Variants in GABRG1 observed in about 807,000 individuals in gnomAD.
GABRG1 encodes the protein gamma-aminobutyric acid type A receptor subunit gamma1.
In GABRG1, 49 loss-of-function variants were observed where a neutral mutation model predicts 49.8. The ratio of observed to expected loss-of-function variants is 0.98; its 90% CI spans 0.78 to 1.25. The LOEUF (loss-of-function observed/expected upper bound fraction) is 1.25, where lower values mean the gene tolerates loss of function less well. Among genes scored for constraint, GABRG1 ranks in the 50% most tolerant of loss-of-function variants. The pLI, the probability that GABRG1 is intolerant of heterozygous loss-of-function variation, is 0.00. For synonymous variants in GABRG1, 232 were observed against 185.1 expected, an observed-to-expected ratio of 1.25 and a Z score of -2.06; for missense variants, 552 against 552.3, an observed-to-expected ratio of 1.00 and a Z score of 0.01.
intron 3 of GABRG1, among the ~76,000 whole-genome samples, chr4:46,077,724 T>C (rs1240778318): frequency 1.3e-5 from 2 of 151,882 alleles, no homozygotes; most frequent in South Asian, 4.1e-4. Flanking sequence ...ATATCTTTTC[T>C]GATATCTTTT....
At chr4:46,081,680 G>A (rs1192977833) in intron 3 of GABRG1, among the ~76,000 whole-genome samples, 4 of 151,826 alleles carry the variant, frequency 2.6e-5, no homozygotes, top group African/African-American at 9.7e-5. Context: ...ATCTTTGGAA[G>A]TCTTATGGGC....
At chr4:46,076,790 C>T (rs1164193080) in intron 3 of GABRG1, among the ~76,000 whole-genome samples, 1 of 151,682 alleles carries the variant, frequency 6.6e-6, no homozygotes, top group African/African-American at 2.4e-5. Context: ...CTTGAGGTAT[C>T]TATCTTGAAG....
intron 1 of GABRG1, among the ~76,000 whole-genome samples, chr4:46,123,417 C>A (rs968688611): frequency 6.6e-6 from 1 of 151,950 alleles, no homozygotes; most frequent in Non-Finnish European, 1.5e-5. Context: ...TGCTGTGTAA[C>A]AACAAGTTTC....
intron 3 of GABRG1, among the ~76,000 whole-genome samples, chr4:46,082,324 T>C (rs1719606409): frequency 6.6e-6 from 1 of 151,602 alleles, no homozygotes; most frequent in African/African-American, 2.4e-5. Flanking sequence ...CCTCCCTTAT[T>C]TCTCTTCTTC....
chr4:46,115,460 T>C (rs1010611397), intron 1 of GABRG1, among the ~76,000 whole-genome samples: 8 of 150,750 alleles, frequency 5.3e-5, no homozygotes, highest in African/African-American at 1.9e-4. Flanking sequence ...ATCATTTTTT[T>C]CTTATGTTTC....
chr4:46,107,116 A>C (rs1348447542), intron 1 of GABRG1, among the ~76,000 whole-genome samples: 1 of 151,316 alleles, frequency 6.6e-6, no homozygotes, highest in African/African-American at 2.4e-5. Flanking sequence ...TATGTTGACT[A>C]CAGTTACCCT....
Position 46,051,376 on chromosome 4 carries a change from CTAAG to C in GABRG1, c.1131+44_1131+47del. Reference sequence around the variant, plus strand: ...CACATAAATATTCAAAAGAGTATCTCTAAGTAAGTTGAGGTTTATAAAATAGAAA... The same window carrying C: ...CACATAAATATTCAAAAGAGTATCTCTAAGTTGAGGTTTATAAAATAGAAA... On this transcript the variant is annotated intron_variant, in intron 8 of 8. Coordinates refer to ENST00000295452, the MANE Select transcript of GABRG1 (RefSeq NM_173536.4). 3.7e-6 allele frequency: 5 copies of C among 1,350,736 alleles called. No homozygotes were observed. The South Asian group carries it at 4.0e-5, about 11-fold the overall frequency. The allele number at this position is 1,350,736 out of a possible 1,614,324, so 83.7% of individuals were successfully genotyped here.
chr4:46,116,362 C>T (rs1472982946), intron 1 of GABRG1, among the ~76,000 whole-genome samples: 3 of 150,676 alleles, frequency 2.0e-5, no homozygotes, highest in South Asian at 2.1e-4. Flanking sequence ...TTTCATAGTG[C>T]CTGACAGAAC....
At chr4:46,116,452 T>C (rs1009844760) in intron 1 of GABRG1, among the ~76,000 whole-genome samples, 1 of 150,796 alleles carries the variant, frequency 6.6e-6, no homozygotes, top group African/African-American at 2.4e-5. Context: ...ATGCTTCAGA[T>C]ACATTCTTCA....
chr4:46,112,298 C>T (rs1720741686), intron 1 of GABRG1, among the ~76,000 whole-genome samples: 2 of 151,112 alleles, frequency 1.3e-5, no homozygotes, highest in African/African-American at 4.8e-5. Flanking sequence ...TATCCTACAC[C>T]AATCAGAATG....
intron 1 of GABRG1, among the ~76,000 whole-genome samples, chr4:46,108,065 T>C (rs1160087665): frequency 1.3e-5 from 2 of 151,118 alleles, no homozygotes; most frequent in Admixed American, 6.6e-5. Flanking sequence ...ACATTAGAAA[T>C]ACAGAAAAAT....
chr4:46,106,964 T>C (rs1720569701), intron 1 of GABRG1, among the ~76,000 whole-genome samples: 1 of 151,270 alleles, frequency 6.6e-6, no homozygotes, highest in Non-Finnish European at 1.5e-5. Context: ...TTAAGGGGAA[T>C]GTGAGATGTT....
intron 2 of GABRG1, among the ~76,000 whole-genome samples, chr4:46,095,709 A>G (rs900914833): frequency 1.3e-5 from 2 of 151,880 alleles, no homozygotes; most frequent in African/African-American, 2.4e-5. Context: ...CAAGTTTCAA[A>G]TCAATAGAAA....
intron 3 of GABRG1, among the ~76,000 whole-genome samples, chr4:46,072,075 T>C (rs1719148104): frequency 6.6e-6 from 1 of 152,076 alleles, no homozygotes; most frequent in Non-Finnish European, 1.5e-5. Context: ...TTTTATCTTT[T>C]ATACCATATT....
intron 2 of GABRG1, among the ~76,000 whole-genome samples, chr4:46,085,758 A>G (rs1719732357): frequency 6.6e-6 from 1 of 151,618 alleles, no homozygotes; most frequent in Non-Finnish European, 1.5e-5. Flanking sequence ...AACAATACTA[A>G]TGAGTAATAT....
At chr4:46,115,798 G>A (rs543070817) in intron 1 of GABRG1, among the ~76,000 whole-genome samples, 3 of 150,420 alleles carry the variant, frequency 2.0e-5, no homozygotes, top group Non-Finnish European at 3.0e-5. Context: ...AAAATGAGTC[G>A]GACAATTGCC....
chr4:46,067,231 C>G (rs67269266), intron 3 of GABRG1, among the ~76,000 whole-genome samples: 8,445 of 151,900 alleles, frequency 0.056, 386 homozygotes, highest in African/African-American at 0.12. Context: ...ATTTGCTTAA[C>G]TGGAATATAA....
At chr4:46,110,123 C>T (rs1720671550) in intron 1 of GABRG1, among the ~76,000 whole-genome samples, 1 of 151,050 alleles carries the variant, frequency 6.6e-6, no homozygotes, top group African/African-American at 2.4e-5. Flanking sequence ...ATGTTGAAAT[C>T]TTCAACTATG....
At chr4:46,110,227 G>A (rs1244002447) in intron 1 of GABRG1, among the ~76,000 whole-genome samples, 2 of 151,034 alleles carry the variant, frequency 1.3e-5, no homozygotes, top group Non-Finnish European at 3.0e-5. Context: ...TAAGATAACT[G>A]AGTCTTCTTG....
Sources: allele counts gnomAD v4.1 joint callset (sites outside exome capture counted in the v4.1 genomes callset), GRCh38; gene constraint gnomAD v4.1.1; transcripts MANE v1.5; gene names NCBI Gene and HGNC (gene_info 2026-07-23, HGNC 2026-07-21).